Variants in MNAT1 observed in about 807,000 individuals in gnomAD.
The protein encoded by MNAT1 is MNAT1 component of CDK activating kinase.
MNAT1 carries 43 observed loss-of-function variants against 42.0 expected under a neutral mutation model. That is an observed-to-expected ratio of 1.02 (90% confidence interval 0.80 to 1.32). The LOEUF is 1.32. Ranked by LOEUF, MNAT1 falls within the 40% of genes most tolerant of loss-of-function variation. The pLI, the probability that MNAT1 is intolerant of heterozygous loss-of-function variation, is 0.00. For missense variants in MNAT1, 306 were observed against 350.4 expected (o/e 0.87, Z 1.01); for synonymous variants, 118 against 120.0 (o/e 0.98, Z 0.11).
rs4151339 is a variant in MNAT1 at position 60,905,882 on chromosome 14, C to T, written c.809+26047C>T. On this transcript the variant is annotated intron_variant, in intron 7 of 7. Coordinates refer to ENST00000261245, the MANE Select transcript of MNAT1 (RefSeq NM_002431.4). ...CCAATCTTTTCTGGAAACACCTTCA[C>T]AGACGCACCCAGAAATAATGTTTTA... Among the ~76,000 whole-genome samples the T allele has an allele frequency of 7.9e-3, 1,200 of 152,258 alleles. 23 individuals carry two copies. Among genetic ancestry groups the T allele is most frequent in the African/African-American group, 0.027 (1,135 of 41,540 alleles).
chr14:60,966,356 G>A (rs1322136296), intron 7 of MNAT1, among the ~76,000 whole-genome samples: 1 of 151,746 alleles, frequency 6.6e-6, no homozygotes, highest in Non-Finnish European at 1.5e-5. Flanking sequence ...CTGTCCTCAG[G>A]TGATCCACCT....
intron 7 of MNAT1, among the ~76,000 whole-genome samples, chr14:60,912,239 G>A (rs1409981384): frequency 6.6e-6 from 1 of 152,102 alleles, no homozygotes; most frequent in African/African-American, 2.4e-5. Flanking sequence ...TGGGTTTCCT[G>A]AATACAGCAC....
chr14:60,792,788 T>G (rs932543473), intron 1 of MNAT1, among the ~76,000 whole-genome samples: 1 of 152,226 alleles, frequency 6.6e-6, no homozygotes, highest in African/African-American at 2.4e-5. Context: ...AGAAAAAGGA[T>G]GTCATTCTGA....
At chr14:60,898,716 A>G (rs2035013915) in intron 7 of MNAT1, among the ~76,000 whole-genome samples, 1 of 151,720 alleles carries the variant, frequency 6.6e-6, no homozygotes, top group Non-Finnish European at 1.5e-5. Flanking sequence ...TTGTCTCCTC[A>G]CTCTGTTGAT....
chr14:60,822,266 A>T (rs1308006725), intron 6 of MNAT1, among the ~76,000 whole-genome samples: 1 of 152,198 alleles, frequency 6.6e-6, no homozygotes, highest in Non-Finnish European at 1.5e-5. Flanking sequence ...ATGAATTGGA[A>T]TGGCGAGATG....
At chr14:60,896,146 G>T (rs116540405) in intron 7 of MNAT1, among the ~76,000 whole-genome samples, 1 of 152,014 alleles carries the variant, frequency 6.6e-6, no homozygotes, top group African/African-American at 2.4e-5. Flanking sequence ...TCATTCACAG[G>T]GTATCATTAG....
intron 7 of MNAT1, among the ~76,000 whole-genome samples, chr14:60,907,584 C>T (rs1594856913): frequency 6.6e-6 from 1 of 151,444 alleles, no homozygotes; most frequent in African/African-American, 2.4e-5. Context: ...AGTTCAAGAC[C>T]AGCCTGACCA....
intron 7 of MNAT1, among the ~76,000 whole-genome samples, chr14:60,887,978 T>A: frequency 6.8e-6 from 1 of 148,144 alleles, no homozygotes; most frequent in Non-Finnish European, 1.5e-5. Flanking sequence ...CCAAAAAGAG[T>A]CCAGGACCAG....
chr14:60,842,282 G>GT (rs1326094986), intron 6 of MNAT1, among the ~76,000 whole-genome samples: 1 of 152,152 alleles, frequency 6.6e-6, no homozygotes, highest in East Asian at 1.9e-4. Context: ...CCACTTTAGA[G>GT]TTTTTTCTCT....
At chr14:60,806,225 C>T (rs377207432) in intron 3 of MNAT1, among the ~76,000 whole-genome samples, 20 of 152,284 alleles carry the variant, frequency 1.3e-4, no homozygotes, top group Admixed American at 5.9e-4. Context: ...CGATATTAGA[C>T]AATGTATTGT....
chr14:60,940,727 A>G (rs969623537), intron 7 of MNAT1, among the ~76,000 whole-genome samples: 1 of 152,008 alleles, frequency 6.6e-6, no homozygotes, highest in Non-Finnish European at 1.5e-5. Context: ...GTCTGTCTCA[A>G]AGCTTTCTTA....
intron 3 of MNAT1, among the ~76,000 whole-genome samples, chr14:60,803,394 T>TAC (rs2032271145): frequency 1.3e-5 from 2 of 152,212 alleles, no homozygotes; most frequent in Admixed American, 1.3e-4. Context: ...GACTGAGCTG[T>TAC]ACACACATTA....
intron 1 of MNAT1, among the ~76,000 whole-genome samples, chr14:60,747,463 G>A (rs138465411): frequency 1.3e-5 from 2 of 152,044 alleles, no homozygotes; most frequent in African/African-American, 2.4e-5. Flanking sequence ...GTTACTGTAC[G>A]GAATGCCATA....
intron 7 of MNAT1, among the ~76,000 whole-genome samples, chr14:60,912,764 T>G (rs1849079700): frequency 6.6e-6 from 1 of 152,246 alleles, no homozygotes. Flanking sequence ...TAACACTTTT[T>G]CCTTCATTTC....
intron 7 of MNAT1, among the ~76,000 whole-genome samples, chr14:60,892,885 A>T (rs957649188): frequency 6.6e-6 from 1 of 152,114 alleles, no homozygotes; most frequent in African/African-American, 2.4e-5. Flanking sequence ...CACCCCTTTT[A>T]GTTGACAGCA....
intron 6 of MNAT1, among the ~76,000 whole-genome samples, chr14:60,831,667 A>T (rs561333905): frequency 6.6e-6 from 1 of 152,196 alleles, no homozygotes; most frequent in Non-Finnish European, 1.5e-5. Context: ...TAGTAGAATG[A>T]TTTATAATAC....
At chr14:60,898,182 T>G (rs1336553521) in intron 7 of MNAT1, among the ~76,000 whole-genome samples, 1 of 151,910 alleles carries the variant, frequency 6.6e-6, no homozygotes, top group Non-Finnish European at 1.5e-5. Flanking sequence ...CATAGATGGA[T>G]ACTTAGATTG....
intron 7 of MNAT1, among the ~76,000 whole-genome samples, chr14:60,915,167 G>T (rs978853457): frequency 1.3e-5 from 2 of 151,908 alleles, no homozygotes; most frequent in African/African-American, 4.8e-5. Flanking sequence ...TTAGCTTTTT[G>T]TTCTACTATT....
In MNAT1 at chr14:60,903,864, A is replaced by G. The variant is rs1348595869; in HGVS notation, c.809+24029A>G. ...TTTTGTTTTTGATGCTACCCATGTA[A>G]GTTTTTTTTTTTTTTTTTTTTTCTT... On this transcript the variant is annotated intron_variant, in intron 7 of 7. Coordinates refer to ENST00000261245, the MANE Select transcript of MNAT1 (RefSeq NM_002431.4). 2.5e-5 allele frequency among the ~76,000 whole-genome samples: 3 copies of G among 120,930 alleles called. No homozygotes were observed. The East Asian group carries it at 7.5e-4, about 30-fold the overall frequency. The allele number at this position is 120,930 out of a possible 152,430, so 79.3% of individuals were successfully genotyped here. A position where few individuals can be genotyped will look rare whatever the true frequency, so the allele number is the denominator to read the frequency against.
Sources: gnomAD v4.1 joint callset for allele counts (sites outside exome capture counted in the v4.1 genomes callset) on GRCh38, gnomAD v4.1.1 for gene constraint, MANE v1.5 for transcripts, NCBI Gene and HGNC (gene_info 2026-07-23, HGNC 2026-07-21) for gene names.